The following NCOA2 variants were observed in gnomAD, a reference collection of about 807,000 sequenced individuals.
The protein encoded by NCOA2 is class E basic helix-loop-helix protein 75.
NCOA2 carries 21 observed loss-of-function variants against 145.1 expected under a neutral mutation model. The observed-to-expected ratio is 0.14, with a 90% CI of 0.10 to 0.21. The LOEUF (loss-of-function observed/expected upper bound fraction) is 0.21. Ranked by LOEUF, NCOA2 falls within the 10% of genes least tolerant of loss-of-function variation. NCOA2 has a pLI of 1.00. For missense variants in NCOA2, 1,472 were observed against 1,837.6 expected, an observed-to-expected ratio of 0.80 and a Z score of 3.64; for synonymous variants, 619 against 637.5, an observed-to-expected ratio of 0.97 and a Z score of 0.44.
chr8:70,274,406 G>C (rs1825312706), intron 2 of NCOA2, among the ~76,000 whole-genome samples: 1 of 152,122 alleles, frequency 6.6e-6, no homozygotes, highest in African/African-American at 2.4e-5. Flanking sequence ...GCTGTGAAGG[G>C]CGAGAACCTA....
chr8:70,308,504 T>A lies in NCOA2; in HGVS notation c.-76-11704A>T, dbSNP rs9643614. ...ATGTGTGTGTGTGTATAAATATATATATATATAAAACATGTATATACAAAC... is the reference window on the plus strand; with the variant it reads ...ATGTGTGTGTGTGTATAAATATATAAATATATAAAACATGTATATACAAAC... On this transcript the variant is annotated intron_variant, in intron 1 of 22. Transcript: ENST00000452400. Among the ~76,000 whole-genome samples, 9 of 152,072 alleles carry A rather than the reference T, an allele frequency of 5.9e-5. No individual in the cohort carries two copies. In the East Asian group the frequency reaches 1.7e-3, roughly 29 times the overall value.
intron 14 of NCOA2, 46 bp from the exon 15 acceptor site, chr8:70,138,378 C>A (rs1809988772): frequency 1.3e-6 from 2 of 1,527,480 alleles, no homozygotes; most frequent in Non-Finnish European, 1.8e-6. Context: ...ATCAAGGAAG[C>A]ATTTATTTCT....
intron 4 of NCOA2, among the ~76,000 whole-genome samples, chr8:70,183,327 T>C (rs1352871114): frequency 6.6e-6 from 1 of 152,260 alleles, no homozygotes; most frequent in African/African-American, 2.4e-5. Flanking sequence ...AAAAAAGTTC[T>C]ATTTCTTCCA....
chr8:70,294,831 A>C (rs753404040), intron 2 of NCOA2, among the ~76,000 whole-genome samples: 10 of 152,216 alleles, frequency 6.6e-5, no homozygotes, highest in Non-Finnish European at 1.5e-4. Context: ...AAGACAACCA[A>C]AAGGCACTTA....
chr8:70,436,631 A>G, the NCOA2 span, among the ~76,000 whole-genome samples: 1 of 152,254 alleles, frequency 6.6e-6, no homozygotes, highest in African/African-American at 2.4e-5. Context: ...TAGAACTACT[A>G]AAGGCTTTAA....
At chr8:70,414,635 T>C in the NCOA2 span, among the ~76,000 whole-genome samples, 2 of 152,202 alleles carry the variant, frequency 1.3e-5, no homozygotes, top group Non-Finnish European at 2.9e-5. Context: ...TACAGTACTA[T>C]TATTGATGTC....
intron 1 of NCOA2, among the ~76,000 whole-genome samples, chr8:70,384,706 T>C (rs748107246): frequency 6.6e-6 from 1 of 152,200 alleles, no homozygotes; most frequent in African/African-American, 2.4e-5. Flanking sequence ...TTCCAAAACA[T>C]AAAGAGCTTT....
chr8:70,389,288 T>C (rs1300346174), intron 1 of NCOA2, among the ~76,000 whole-genome samples: 1 of 152,190 alleles, frequency 6.6e-6, no homozygotes, highest in East Asian at 1.9e-4. Context: ...GCCAAATTTT[T>C]TTTTTTTTTG....
chr8:70,156,165 G>A lies in NCOA2; in HGVS notation c.2200C>T (p.Pro734Ser). The A allele has an allele frequency of 6.2e-7, 1 of 1,613,766 alleles. No homozygotes were observed. Among genetic ancestry groups the A allele is most frequent in the Non-Finnish European group, 8.5e-7 (1 of 1,179,816 alleles). ...PGSEVTIKQE[P>S]VSPKKKENAL... The stretch of plus-strand genomic sequence containing the variant: ...TTCTCTTTCTTCTTGGGGCTCACCG[G>A]CTCTTGTTTAATAGTCACTTCTGAT... Residue 734 changes from proline (P) to serine (S), a missense_variant, in exon 11 of 23, where the codon CCG (proline) becomes TCG (serine). By Grantham distance (74) the Pro-to-Ser change is moderately conservative. This residue lies in a region of NCOA2 where 953 missense variants were observed against 1,062.1 expected (regional missense o/e 0.90). Coordinates refer to ENST00000452400, the MANE Select transcript of NCOA2 (RefSeq NM_006540.4).
chr8:70,361,279 G>A (rs1161721470), intron 1 of NCOA2, among the ~76,000 whole-genome samples: 1 of 152,030 alleles, frequency 6.6e-6, no homozygotes, highest in Non-Finnish European at 1.5e-5. Context: ...ACTTTGGGTG[G>A]CCAAGGTGAG....
chr8:70,417,369 T>C, the NCOA2 span, among the ~76,000 whole-genome samples: 1 of 150,340 alleles, frequency 6.7e-6, no homozygotes, highest in Non-Finnish European at 1.5e-5. Flanking sequence ...GCCAACACAG[T>C]GAAACCCCAT....
chr8:70,306,553 G>A (rs993048623), intron 1 of NCOA2, among the ~76,000 whole-genome samples: 1 of 152,162 alleles, frequency 6.6e-6, no homozygotes, highest in African/African-American at 2.4e-5. Flanking sequence ...GCTACCTTTT[G>A]TTATGAAACA....
intron 2 of NCOA2, among the ~76,000 whole-genome samples, chr8:70,230,081 A>G (rs938368266): frequency 1.3e-5 from 2 of 152,354 alleles, no homozygotes; most frequent in African/African-American, 4.8e-5. Flanking sequence ...TCAATTTAAT[A>G]AACTGTGAGT....
chr8:70,381,966 T>C (rs1330756742), intron 1 of NCOA2, among the ~76,000 whole-genome samples: 1 of 152,158 alleles, frequency 6.6e-6, no homozygotes, highest in African/African-American at 2.4e-5. Context: ...GTTTTAGAAT[T>C]TGCCTGTGCT....
chr8:70,335,101 C>T (rs1242240528), intron 1 of NCOA2, among the ~76,000 whole-genome samples: 2 of 107,222 alleles, frequency 1.9e-5, no homozygotes, highest in Non-Finnish European at 3.4e-5. Context: ...CCAGCCTGGG[C>T]AACAGCATGA....
Position 70,156,061 on chromosome 8 carries a change from T to A in NCOA2, c.2304A>T (p.Arg768Ser), listed in dbSNP as rs781613850. Residue 768 changes from arginine to serine, a missense_variant, in exon 11 of 23, where the codon AGA becomes AGT. Transcript: ENST00000452400. ...TGGCAGGATCTGTCTTACTGTCCAG[T>A]CTCTCAAGTTTGGGGGTTATTTCTG... ...GLPEITPKLE[R>S]LDSKTDPASN... 6.2e-7 allele frequency: 1 copy of A among 1,613,750 alleles called. No homozygotes were observed. Among genetic ancestry groups the A allele is most frequent in the African/African-American group, 1.3e-5 (1 of 74,902 alleles).
At chr8:70,447,709 G>A in the NCOA2 span, among the ~76,000 whole-genome samples, 36 of 110,562 alleles carry the variant, frequency 3.3e-4, no homozygotes, top group East Asian at 9.4e-3. Context: ...TTCTGAGACA[G>A]GGTCTCACTC....
rs1193359960 is a variant in NCOA2, at chr8:70,170,186, C to G, written c.541+16G>C. On this transcript the variant is annotated intron_variant, in intron 6 of 22. Transcript: ENST00000452400. ...GGGTGACGGGAGGTAGGGAGGGAGA[C>G]CCAGCAGACATTTACCTATAGACTT... is the stretch of plus-strand genomic sequence containing the variant. 6.2e-7 allele frequency: 1 copy of G among 1,611,002 alleles called. No individual in the cohort carries two copies. Among genetic ancestry groups the G allele is most frequent in the Non-Finnish European group, 8.5e-7 (1 of 1,178,710 alleles).
chr8:70,260,538 G>T (rs1225446981), intron 2 of NCOA2, among the ~76,000 whole-genome samples: 2 of 152,050 alleles, frequency 1.3e-5, no homozygotes, highest in Admixed American at 6.6e-5. Flanking sequence ...GAGGATGAAG[G>T]GTCTATCTAC....
Sources: allele counts gnomAD v4.1 joint callset (sites outside exome capture counted in the v4.1 genomes callset), GRCh38; gene constraint gnomAD v4.1.1; regional missense constraint gnomAD v4.1.1; transcripts MANE v1.5; gene names NCBI Gene and HGNC (gene_info 2026-07-23, HGNC 2026-07-21).